Variants in HIVEP3 observed in about 807,000 individuals in gnomAD.
HIVEP3 encodes transcription factor HIVEP3.
HIVEP3 carries 49 observed loss-of-function variants against 152.8 expected under a neutral mutation model. The observed-to-expected ratio is 0.32, with a 90% CI of 0.26 to 0.41. The LOEUF (loss-of-function observed/expected upper bound fraction) is 0.41, where lower values mean the gene tolerates loss of function less well. Ranked by LOEUF, HIVEP3 falls within the 10% of genes least tolerant of loss-of-function variation. The probability of loss-of-function intolerance (pLI) is 1.00; values close to 1 mark genes in which losing one functional copy is unlikely to be tolerated. For synonymous variants in HIVEP3, 1,269 were observed against 1,289.0 expected (o/e 0.98, Z 0.33); for missense variants, 2,790 against 3,103.3 (o/e 0.90, Z 2.40).
intron 1 of HIVEP3, among the ~76,000 whole-genome samples, chr1:41,832,883 T>A (rs115992040): frequency 1.1e-4 from 17 of 152,298 alleles, no homozygotes; most frequent in African/African-American, 4.1e-4. Context: ...GATTTTACCC[T>A]CCACTCCCAT....
chr1:41,654,436 G>A (rs1308074910), intron 2 of HIVEP3, among the ~76,000 whole-genome samples: 2 of 152,180 alleles, frequency 1.3e-5, no homozygotes, highest in African/African-American at 2.4e-5. Flanking sequence ...GCTAGTGGAA[G>A]TGTATATGGA....
intron 2 of HIVEP3, among the ~76,000 whole-genome samples, chr1:41,677,923 C>G (rs1282985478): frequency 2.0e-5 from 3 of 152,130 alleles, no homozygotes; most frequent in African/African-American, 7.2e-5. Context: ...TGGGCTAGGA[C>G]TCTGAACAAA....
intron 1 of HIVEP3, among the ~76,000 whole-genome samples, chr1:41,984,248 G>A (rs1361044550): frequency 2.0e-5 from 3 of 152,146 alleles, no homozygotes; most frequent in Admixed American, 2.0e-4. Context: ...CTGGGATTAT[G>A]GACATGAGCC....
intron 1 of HIVEP3, chr1:41,864,437 GC>G (rs1309888431): frequency 6.6e-6 from 1 of 152,350 alleles, no homozygotes; most frequent in African/African-American, 2.4e-5. Context: ...GGCAGCTGTG[GC>G]CATCTTCAGG....
chr1:41,627,663 G>T (rs1050808587), intron 3 of HIVEP3, among the ~76,000 whole-genome samples: 1 of 152,172 alleles, frequency 6.6e-6, no homozygotes, highest in African/African-American at 2.4e-5. Flanking sequence ...AGCTTTCAGA[G>T]AAGCGAAAGA....
At chr1:41,875,842 G>A (rs1274458108) in intron 1 of HIVEP3, among the ~76,000 whole-genome samples, 7 of 152,140 alleles carry the variant, frequency 4.6e-5, no homozygotes, top group Non-Finnish European at 1.0e-4. Context: ...CCTGGACTGT[G>A]CTCATTTCTT....
At chr1:41,562,532 C>CCCTTCCTTCCTT (rs60530597) in intron 5 of HIVEP3, among the ~76,000 whole-genome samples, 31 of 141,862 alleles carry the variant, frequency 2.2e-4, no homozygotes, top group African/African-American at 5.7e-4. Flanking sequence ...CCCTTCCCTT[C>CCCTTCCTTCCTT]CCTTCCTTCC....
At chr1:41,803,375 G>T (rs1168053152) in intron 1 of HIVEP3, among the ~76,000 whole-genome samples, 4 of 152,210 alleles carry the variant, frequency 2.6e-5, no homozygotes, top group African/African-American at 9.6e-5. Flanking sequence ...AGCCAATCAT[G>T]CTTCCTGCAC....
At chr1:41,934,327 A>C (rs1242914406) in intron 1 of HIVEP3, among the ~76,000 whole-genome samples, 1 of 152,122 alleles carries the variant, frequency 6.6e-6, no homozygotes, top group Non-Finnish European at 1.5e-5. Context: ...GAATTCATAT[A>C]GGTATGTTTC....
At chr1:41,670,062 A>C (rs945179362) in intron 2 of HIVEP3, among the ~76,000 whole-genome samples, 2 of 152,172 alleles carry the variant, frequency 1.3e-5, no homozygotes, top group Non-Finnish European at 2.9e-5. Context: ...GCCTCTTTGC[A>C]GATGGGCAGA....
intron 5 of HIVEP3, among the ~76,000 whole-genome samples, chr1:41,572,463 T>A (rs548016025): frequency 1.6e-3 from 250 of 152,248 alleles, no homozygotes; most frequent in African/African-American, 5.8e-3. Flanking sequence ...CGGGAAGCCC[T>A]CTCTAGCTAT....
At chr1:41,914,719 TGACAGCTTG>T (rs1557516677) in intron 1 of HIVEP3, among the ~76,000 whole-genome samples, 1 of 152,162 alleles carries the variant, frequency 6.6e-6, no homozygotes, top group East Asian at 1.9e-4. Flanking sequence ...GGTGTGGCCA[TGACAGCTTG>T]AACAACATCC....
intron 2 of HIVEP3, among the ~76,000 whole-genome samples, chr1:41,638,344 G>A (rs3889381): frequency 0.051 from 2,091 of 40,798 alleles, 18 homozygotes; most frequent in Non-Finnish European, 0.071. Context: ...GGGAGAGAGA[G>A]AGAAAGAAAG....
rs1456060683 is a variant in HIVEP3, at chr1:41,701,006, T to C, written c.-800-11A>G. 2.0e-6 allele frequency: 2 copies of C among 977,810 alleles called. No individual in the cohort carries two copies. The highest frequency in any genetic ancestry group is 1.1e-4 in the East Asian group (1 of 8,788). 60.6% of individuals were successfully genotyped at this position (977,810 alleles called of 1,614,324 possible). A position where few individuals can be genotyped will look rare whatever the true frequency, so the allele number is the denominator to read the frequency against. On this transcript the variant is annotated splice_polypyrimidine_tract_variant and intron_variant, in intron 1 of 8. Transcript: ENST00000372583. ...GTGTTGGAGGGAGGCCTGTGGGAAG[T>C]AGAGAAAGTGAGAATATTATGCCAC...
chr1:41,950,041 G>A (rs147532016), intron 1 of HIVEP3, among the ~76,000 whole-genome samples: 28 of 152,278 alleles, frequency 1.8e-4, no homozygotes, highest in Middle Eastern at 6.8e-3. Flanking sequence ...CCTAAGCCTA[G>A]CTAGGAAGGT....
At chr1:41,643,458 C>T (rs1001303948) in intron 2 of HIVEP3, among the ~76,000 whole-genome samples, 10 of 152,244 alleles carry the variant, frequency 6.6e-5, no homozygotes, top group Admixed American at 1.3e-4. Context: ...GCATGCTGAA[C>T]AGACGAGTGC....
intron 7 of HIVEP3, among the ~76,000 whole-genome samples, chr1:41,515,008 G>A (rs1179623573): frequency 6.6e-6 from 1 of 152,212 alleles, no homozygotes; most frequent in Non-Finnish European, 1.5e-5. Context: ...TCCGGATGCT[G>A]GGGAGAGCTC....
At chr1:41,944,521 G>A (rs12026853) in intron 1 of HIVEP3, among the ~76,000 whole-genome samples, 14 of 152,112 alleles carry the variant, frequency 9.2e-5, no homozygotes, top group Non-Finnish European at 1.6e-4. Flanking sequence ...GCATCTTGAC[G>A]GGGCAGCTGG....
At chr1:41,587,967 T>C (rs753002462) in intron 3 of HIVEP3, among the ~76,000 whole-genome samples, 3 of 152,118 alleles carry the variant, frequency 2.0e-5, no homozygotes, top group Admixed American at 2.0e-4. Context: ...ATCTGAACAA[T>C]AGAGTTGCCC....
Sources: allele counts gnomAD v4.1 joint callset (sites outside exome capture counted in the v4.1 genomes callset), GRCh38; gene constraint gnomAD v4.1.1; transcripts MANE v1.5; gene names NCBI Gene and HGNC (gene_info 2026-07-23, HGNC 2026-07-21).